Variants in OSBPL3 observed in about 807,000 individuals in gnomAD.
OSBPL3 encodes oxysterol binding protein like 3.
OSBPL3 carries 65 observed loss-of-function variants against 120.1 expected under a neutral mutation model. The observed-to-expected ratio is 0.54, with a 90% confidence interval of 0.44 to 0.67. OSBPL3 has a LOEUF of 0.67. OSBPL3 is among the 30% of genes least tolerant of loss of function. The pLI, the probability that OSBPL3 is intolerant of heterozygous loss-of-function variation, is 0.00. For synonymous variants in OSBPL3, 416 were observed against 402.6 expected, an observed-to-expected ratio of 1.03 and a Z score of -0.40; for missense variants, 1,004 against 1,082.1, an observed-to-expected ratio of 0.93 and a Z score of 1.01.
chr7:24,920,939 T>C (rs1025854367), intron 1 of OSBPL3, among the ~76,000 whole-genome samples: 3 of 152,192 alleles, frequency 2.0e-5, no homozygotes, highest in African/African-American at 7.2e-5. Context: ...AGAACTCACT[T>C]GAGAGGTTGT....
chr7:24,861,494 TAA>T, intron 10 of OSBPL3, 117 bp downstream of exon 10: 3 of 626,476 alleles, frequency 4.8e-6, no homozygotes, highest in Non-Finnish European at 7.9e-6. Flanking sequence ...TAGGTTTCCC[TAA>T]ATCTTAATAG....
At chr7:24,810,478 G>A (rs35109505) in intron 19 of OSBPL3, 24,169 of 152,462 alleles carry the variant, frequency 0.16, 2,527 homozygotes, top group Non-Finnish European at 0.22. Context: ...AGCCAAGGTC[G>A]CGCCATTGCA....
In OSBPL3 at chr7:24,804,447, C is replaced by T. The variant is rs2285653; in HGVS notation, c.2445-10G>A. On this transcript the variant is annotated splice_polypyrimidine_tract_variant and intron_variant, in intron 21 of 22. Coordinates refer to ENST00000313367, the MANE Select transcript of OSBPL3 (RefSeq NM_015550.4). This position sits in a 1 kb window ranked among gnomAD's most constrained non-coding sequence, Gnocchi z 5.4. ...CCCTTCCTCTAGAAACCTGAGGCAT[C>T]GAGGAAAAAAAAATGAAAGGATATG... The T allele has an allele frequency of 1.0e-5, 16 of 1,598,346 alleles. No homozygotes were observed. Among genetic ancestry groups the T allele is most frequent in the African/African-American group, 2.7e-5 (2 of 72,746 alleles).
At chr7:24,828,249 C>T (rs550558882) in intron 16 of OSBPL3, among the ~76,000 whole-genome samples, 4 of 152,296 alleles carry the variant, frequency 2.6e-5, no homozygotes, top group South Asian at 4.1e-4. Flanking sequence ...TTGTCTCGAA[C>T]TCCTGACCTC....
chr7:24,960,521 T>A (rs1353100648), intron 1 of OSBPL3, among the ~76,000 whole-genome samples: 2 of 152,202 alleles, frequency 1.3e-5, no homozygotes, highest in African/African-American at 4.8e-5. Context: ...GGCAGATTTT[T>A]AAAAATCTTT....
At chr7:24,809,219 T>C (rs1793457026) in intron 20 of OSBPL3, among the ~76,000 whole-genome samples, 2 of 152,208 alleles carry the variant, frequency 1.3e-5, no homozygotes, top group Admixed American at 1.3e-4. Context: ...GACTGTGACT[T>C]GGAAACAACA....
intron 5 of OSBPL3, among the ~76,000 whole-genome samples, chr7:24,868,486 G>C (rs1801672462): frequency 6.6e-6 from 1 of 151,266 alleles, no homozygotes; most frequent in Admixed American, 6.6e-5. Context: ...AATCCAAAAG[G>C]ATGCACAGTA....
chr7:24,838,923 T>G (rs970566902), intron 14 of OSBPL3, among the ~76,000 whole-genome samples: 13 of 152,218 alleles, frequency 8.5e-5, no homozygotes, highest in South Asian at 2.1e-4. Context: ...ACTAAGGGGT[T>G]CATCTCCCAA....
Position 24,823,761 on chromosome 7 carries a change from C to T in OSBPL3, c.1885-3523G>A, listed in dbSNP as rs376022352. On this transcript the variant is annotated intron_variant, in intron 16 of 22. Transcript: ENST00000313367. ...CGAATCTTAGCATCAAAGGTGGTGGCGGATGCTGGCCAACTTGAAAAAATT... is the reference window on the plus strand; with the variant it reads ...CGAATCTTAGCATCAAAGGTGGTGGTGGATGCTGGCCAACTTGAAAAAATT... Among the ~76,000 whole-genome samples, 37 of 152,248 alleles carry T rather than the reference C, an allele frequency of 2.4e-4. No individual in the cohort carries two copies. In the East Asian group the frequency reaches 3.7e-3, roughly 15 times the overall value.
intron 19 of OSBPL3, among the ~76,000 whole-genome samples, chr7:24,810,531 AAAC>A (rs1793660547): frequency 6.6e-6 from 1 of 152,200 alleles, no homozygotes; most frequent in Non-Finnish European, 1.5e-5. Context: ...CTCAAAAACA[AAAC>A]AAAACAAAAC....
chr7:24,902,290 A>G (rs889770160), intron 1 of OSBPL3, among the ~76,000 whole-genome samples: 2 of 152,226 alleles, frequency 1.3e-5, no homozygotes, highest in Admixed American at 6.5e-5. Flanking sequence ...TACCCATATT[A>G]CTATCATCCA....
chr7:24,970,017 A>G (rs1324196626), intron 1 of OSBPL3, among the ~76,000 whole-genome samples: 2 of 150,374 alleles, frequency 1.3e-5, no homozygotes, highest in East Asian at 1.9e-4. Flanking sequence ...TAGTCCACCA[A>G]CTCTTAAAAT....
intron 2 of OSBPL3, among the ~76,000 whole-genome samples, chr7:24,889,883 C>T (rs924179424): frequency 2.6e-5 from 4 of 152,278 alleles, no homozygotes; most frequent in Admixed American, 1.3e-4. Context: ...CACAGCCAGG[C>T]GCTGGGCTAT....
intron 20 of OSBPL3, 138 bp downstream of exon 20, chr7:24,809,669 C>T: frequency 1.4e-6 from 1 of 713,330 alleles, no homozygotes. Flanking sequence ...GGAAAGAGGG[C>T]CTACACCTCT....
intron 1 of OSBPL3, among the ~76,000 whole-genome samples, chr7:24,942,666 G>A (rs77284208): frequency 0.033 from 5,014 of 152,260 alleles, 137 homozygotes; most frequent in Non-Finnish European, 0.053. Flanking sequence ...AAACCTTCAA[G>A]GCTAGGAATA....
intron 1 of OSBPL3, among the ~76,000 whole-genome samples, chr7:24,923,669 C>T (rs943957493): frequency 6.6e-6 from 1 of 152,158 alleles, no homozygotes; most frequent in Non-Finnish European, 1.5e-5. Flanking sequence ...ACAGCACGCA[C>T]ATGCAATGAG....
At position 24,980,026 on chromosome 7, in the gene OSBPL3, G is replaced by T. The variant is rs1463884798; in HGVS notation, c.-290C>A. On this transcript the variant is annotated 5_prime_UTR_variant, in exon 1 of 23. Transcript: ENST00000313367. ...CTGACAGCTCCCGCACCGGCCGCAGGAGTCGGGGGCGGGGATGGCCACTTG... is the reference window on the plus strand; with the variant it reads ...CTGACAGCTCCCGCACCGGCCGCAGTAGTCGGGGGCGGGGATGGCCACTTG... 1 of 985,388 alleles carries T rather than the reference G, an allele frequency of 1.0e-6. No individual in the cohort carries two copies. Among genetic ancestry groups the T allele is most frequent in the South Asian group, 4.7e-5 (1 of 21,296 alleles). 61.0% of individuals were successfully genotyped at this position (985,388 alleles called of 1,614,324 possible).
intron 2 of OSBPL3, among the ~76,000 whole-genome samples, chr7:24,884,403 G>A (rs563585330): frequency 1.3e-5 from 2 of 152,282 alleles, no homozygotes; most frequent in South Asian, 4.1e-4. Flanking sequence ...ACCCCACTGA[G>A]TTGTGCTGAG....
chr7:24,872,094 TA>T lies in OSBPL3; in HGVS notation c.97-26del. ...CCTGTTCCAACAAAAGAGTTCATGT[TA>T]AATGTCTATCTTTTTGAAAAATAAT... On this transcript the variant is annotated intron_variant, in intron 2 of 22. Coordinates refer to ENST00000313367, the MANE Select transcript of OSBPL3 (RefSeq NM_015550.4). The surrounding 1 kb of genome is among the most constrained non-coding windows in gnomAD (Gnocchi z 4.1). 2.8e-6 allele frequency: 4 copies of T among 1,436,278 alleles called. No individual in the cohort carries two copies. The highest frequency in any genetic ancestry group is 3.9e-6 in the Non-Finnish European group (4 of 1,018,688). 89.0% of individuals were successfully genotyped at this position (1,436,278 alleles called of 1,614,324 possible). A position where few individuals can be genotyped will look rare whatever the true frequency, so the allele number is the denominator to read the frequency against.
Sources: gnomAD v4.1 joint callset for allele counts (sites outside exome capture counted in the v4.1 genomes callset) on GRCh38, gnomAD v4.1.1 for gene constraint, Gnocchi (gnomAD v3.1) non-coding constraint, MANE v1.5 for transcripts, NCBI Gene and HGNC (gene_info 2026-07-23, HGNC 2026-07-21) for gene names.